The following MMP12 variants were observed in gnomAD, a reference collection of about 807,000 sequenced individuals.
MMP12 encodes the protein matrix metallopeptidase 12.
MMP12 carries 51 observed loss-of-function variants against 45.2 expected under a neutral mutation model. The observed-to-expected ratio is 1.13, with a 90% CI of 0.90 to 1.42. The LOEUF (loss-of-function observed/expected upper bound fraction) is 1.42, where lower values mean the gene tolerates loss of function less well. Among genes scored for constraint, MMP12 ranks in the 40% most tolerant of loss-of-function variants. The pLI is 0.00. For missense variants in MMP12, 530 were observed against 570.8 expected (o/e 0.93, Z 0.73); for synonymous variants, 210 against 193.3 (o/e 1.09, Z -0.72).
Position 102,873,111 on chromosome 11 carries a change from C to G in MMP12, c.104G>C (p.Arg35Thr). Residue 35 changes from arginine (R) to threonine (T), a missense_variant and splice_region_variant, in exon 2 of 10, where the codon AGA becomes ACA. Physicochemically the swap from Arg to Thr is moderately conservative, Grantham distance 71. Coordinates refer to ENST00000571244, the MANE Select transcript of MMP12 (RefSeq NM_002426.6). ...LEKNNVLFGE[R>T]YLEKFYGLEI... Reference sequence around the variant, plus strand: ...AAGGCCATAAAATTTTTCTAAGTATCTCTGGAAAAAAAAATACATTCAGCA... The same window carrying G: ...AAGGCCATAAAATTTTTCTAAGTATGTCTGGAAAAAAAAATACATTCAGCA... 1 of 1,604,290 alleles carries G rather than the reference C, an allele frequency of 6.2e-7. No individual in the cohort carries two copies. The highest frequency in any genetic ancestry group is 8.5e-7 in the Non-Finnish European group (1 of 1,176,740).
In MMP12 at chr11:102,871,787, A is replaced by G. The variant is rs1019623706; in HGVS notation, c.499+17T>C. The G allele has an allele frequency of 6.2e-6, 10 of 1,612,946 alleles. No homozygotes were observed. Among genetic ancestry groups the G allele is most frequent in the Non-Finnish European group, 8.5e-6 (10 of 1,179,460 alleles). The stretch of plus-strand genomic sequence containing the variant: ...TAGATCATGCCAAATGACAAAGATG[A>G]AATACAAGTTCCCTACCTCCACGGG... On this transcript the variant is annotated intron_variant, in intron 3 of 9. Coordinates refer to ENST00000571244, the MANE Select transcript of MMP12 (RefSeq NM_002426.6).
At chr11:102,867,442 T>A (rs1555008738) in intron 5 of MMP12, 49 bp from the exon 6 acceptor site, 2 of 1,543,740 alleles carry the variant, frequency 1.3e-6, no homozygotes, top group East Asian at 2.3e-5. Context: ...TGCATTGTAG[T>A]TCAGAGGAGG....
At position 102,865,082 on chromosome 11, in the gene MMP12, CA is replaced by C. The variant is rs1859361609; in HGVS notation, c.1205+693del. On this transcript the variant is annotated intron_variant, in intron 8 of 9. Transcript: ENST00000571244. The surrounding 1 kb of genome is among the most constrained non-coding windows in gnomAD (Gnocchi z 4.1). Reference sequence around the variant, plus strand: ...AGAGCTAAGGGCTGGTGGACAAATTCAAGTCATAAGCATCCGGTATTCAATT... The same window carrying C: ...AGAGCTAAGGGCTGGTGGACAAATTCAGTCATAAGCATCCGGTATTCAATT... Among the ~76,000 whole-genome samples, 1 of 152,188 alleles carries C rather than the reference CA, an allele frequency of 6.6e-6. No individual in the cohort carries two copies. The highest frequency in any genetic ancestry group is 1.5e-5 in the Non-Finnish European group (1 of 68,034).
chr11:102,871,939 T>C lies in MMP12; in HGVS notation c.364A>G (p.Thr122Ala). The change falls in exon 3 of 10, where the codon ACA becomes GCA. Residue 122 changes from threonine to alanine, a missense_variant. Transcript: ENST00000571244. ...ACATCCTCACGGTTCATGTCAGGTG[T>C]GTAATTATTGATTCTTTATCAGCAA... The part of the protein sequence containing the change: ...HYITYRINNY[T>A]PDMNREDVDY... 1 of 1,606,366 alleles carries C rather than the reference T, an allele frequency of 6.2e-7. No individual in the cohort carries two copies. The highest frequency in any genetic ancestry group is 8.5e-7 in the Non-Finnish European group (1 of 1,177,498).
intron 6 of MMP12, 22 bp from the exon 7 acceptor site, chr11:102,866,470 A>T: frequency 6.2e-7 from 1 of 1,608,640 alleles, no homozygotes; most frequent in Non-Finnish European, 8.5e-7. Context: ...GACATTTGAC[A>T]CATGTTAAAA....
At chr11:102,869,294 T>C (rs1318435297) in intron 4 of MMP12, among the ~76,000 whole-genome samples, 1 of 152,088 alleles carries the variant, frequency 6.6e-6, no homozygotes, top group Non-Finnish European at 1.5e-5. Context: ...TCGGGGAGTG[T>C]CTAGACACAA....
chr11:102,868,229 G>A (rs1331981775), intron 4 of MMP12, among the ~76,000 whole-genome samples, 160 bp from the exon 5 acceptor site: 6 of 152,244 alleles, frequency 3.9e-5, no homozygotes, highest in Middle Eastern at 3.4e-3. Context: ...TGACATTACA[G>A]TTCAGTAGTC....
intron 9 of MMP12, 29 bp downstream of exon 9, chr11:102,864,117 G>T: frequency 1.4e-6 from 2 of 1,425,520 alleles, no homozygotes; most frequent in Non-Finnish European, 2.0e-6. Flanking sequence ...GTTATTTCCA[G>T]TATCTTCATG....
chr11:102,872,752 T>C lies in MMP12; in HGVS notation c.350+113A>G. The stretch of plus-strand genomic sequence containing the variant: ...ATTTTAGCAGAGATAGCATTAACAA[T>C]GGAGGGAGGTTACTTTATCTACTTC... On this transcript the variant is annotated intron_variant, in intron 2 of 9. Transcript: ENST00000571244. The C allele has an allele frequency of 2.7e-6, 3 of 1,126,022 alleles. No individual in the cohort carries two copies. In the South Asian group the frequency reaches 4.8e-5, roughly 18 times the overall value. The allele number at this position is 1,126,022 out of a possible 1,614,324, so 69.8% of individuals were successfully genotyped here. A position where few individuals can be genotyped will look rare whatever the true frequency, so the allele number is the denominator to read the frequency against.
At chr11:102,872,476 G>A (rs1439798462) in intron 2 of MMP12, among the ~76,000 whole-genome samples, 1 of 152,054 alleles carries the variant, frequency 6.6e-6, no homozygotes, top group African/African-American at 2.4e-5. Flanking sequence ...GAGTAGCTGG[G>A]ACTACAGGTG....
intron 2 of MMP12, among the ~76,000 whole-genome samples, chr11:102,872,432 C>T (rs2134423975): frequency 6.6e-6 from 1 of 152,212 alleles, no homozygotes; most frequent in Middle Eastern, 3.4e-3. Flanking sequence ...GCTCCGCCTC[C>T]TGGGTTCACG....
At chr11:102,864,346 C>T in intron 8 of MMP12, 94 bp from the exon 9 acceptor site, 1 of 804,298 alleles carries the variant, frequency 1.2e-6, no homozygotes, top group South Asian at 1.5e-5. Context: ...AGCTCTTCCC[C>T]AAAGGACTTA....
In MMP12 at chr11:102,871,608, G is replaced by C; in HGVS notation, c.611C>G (p.Thr204Ser). 1.3e-6 allele frequency: 2 copies of C among 1,554,878 alleles called. No individual in the cohort carries two copies. The highest frequency in any genetic ancestry group is 1.7e-6 in the Non-Finnish European group (2 of 1,148,434). Residue 204 changes from threonine to serine, a missense_variant, in exon 4 of 10, where the codon ACT becomes AGT. By Grantham distance (58) the Thr-to-Ser change is moderately conservative. Coordinates refer to ENST00000571244, the MANE Select transcript of MMP12 (RefSeq NM_002426.6). The part of the protein sequence containing the change: ...DAHFDEDEFW[T>S]THSGGTNLFL... ...GTTTTGCCCACCTCCTGAATGTGTAGTCCAGAATTCGTCCTCATCGAAATG... is the reference window on the plus strand; with the variant it reads ...GTTTTGCCCACCTCCTGAATGTGTACTCCAGAATTCGTCCTCATCGAAATG...
chr11:102,868,946 T>C (rs1235444302), intron 4 of MMP12, among the ~76,000 whole-genome samples: 2 of 152,236 alleles, frequency 1.3e-5, no homozygotes, highest in Non-Finnish European at 2.9e-5. Flanking sequence ...ACCATTTTTA[T>C]CTATGATTAA....
At chr11:102,872,685 A>T (rs1859522206) in intron 2 of MMP12, among the ~76,000 whole-genome samples, 180 bp downstream of exon 2, 1 of 152,248 alleles carries the variant, frequency 6.6e-6, no homozygotes, top group East Asian at 1.9e-4. Context: ...AAGCCAAACA[A>T]TTCTCCCCTG....
In MMP12 at chr11:102,862,938, T is replaced by C. The variant is rs1859318319; in HGVS notation, c.*162A>G. On this transcript the variant is annotated 3_prime_UTR_variant, in exon 10 of 10. Transcript: ENST00000571244. ...GAATGGACAATTAGAGTTTTCAAAATTGAAAAATATTATGTATTTTATATA... is the reference window on the plus strand; with the variant it reads ...GAATGGACAATTAGAGTTTTCAAAACTGAAAAATATTATGTATTTTATATA... 2.3e-6 allele frequency: 1 copy of C among 443,672 alleles called. No individual in the cohort carries two copies. The highest frequency in any genetic ancestry group is 3.9e-6 in the Non-Finnish European group (1 of 255,916). The allele number at this position is 443,672 out of a possible 1,614,324, so 27.5% of individuals were successfully genotyped here.
intron 9 of MMP12, 96 bp from the exon 10 acceptor site, chr11:102,863,296 A>C: frequency 4.0e-6 from 3 of 744,296 alleles, no homozygotes; most frequent in Non-Finnish European, 6.7e-6. Flanking sequence ...ATTATCTAGA[A>C]TAGATGACCT....
At position 102,871,658 on chromosome 11, in the gene MMP12, A is replaced by G. The variant is rs781822210; in HGVS notation, c.561T>C (p.Pro187=). The change falls in exon 4 of 10, where the codon CCT becomes CCC. Residue 187 remains proline, a synonymous_variant. Coordinates refer to ENST00000571244, the MANE Select transcript of MMP12 (RefSeq NM_002426.6). ...KGGILAHAFG[P]GSGIGGDAHF... ...GTGCATCCCCTCCAATGCCAGATCC[A>G]GGTCCAAAAGCATGGGCTAGGATTC... 2.5e-6 allele frequency: 4 copies of G among 1,591,926 alleles called. No homozygotes were observed. The highest frequency in any genetic ancestry group is 2.3e-5 in the South Asian group (2 of 87,534).
chr11:102,870,032 T>C (rs1859465029), intron 4 of MMP12, among the ~76,000 whole-genome samples: 1 of 152,268 alleles, frequency 6.6e-6, no homozygotes, highest in African/African-American at 2.4e-5. Flanking sequence ...ATCAATCCAA[T>C]TAAAAAATAA....
Sources: gnomAD v4.1 joint callset for allele counts (sites outside exome capture counted in the v4.1 genomes callset) on GRCh38, gnomAD v4.1.1 for gene constraint, Gnocchi (gnomAD v3.1) non-coding constraint, MANE v1.5 for transcripts, NCBI Gene and HGNC (gene_info 2026-07-23, HGNC 2026-07-21) for gene names.